The following HDAC9 variants were observed in gnomAD, a reference collection of about 807,000 sequenced individuals.
HDAC9 encodes the protein histone deacetylase 9, also known as MEF-2 interacting transcription repressor (MITR) protein.
Under a neutral mutation model 139.4 loss-of-function variants are expected in HDAC9, and 41 were observed. That is an observed-to-expected ratio of 0.29 (90% confidence interval 0.23 to 0.38). The LOEUF is 0.38. HDAC9 is among the 10% of genes least tolerant of loss of function. The pLI is 1.00. For synonymous variants in HDAC9, 517 were observed against 476.2 expected, an observed-to-expected ratio of 1.09 and a Z score of -1.12; for missense variants, 1,147 against 1,297.0, an observed-to-expected ratio of 0.88 and a Z score of 1.78.
intron 17 of HDAC9, among the ~76,000 whole-genome samples, chr7:18,824,433 A>C (rs1285723711): frequency 6.6e-6 from 1 of 152,228 alleles, no homozygotes; most frequent in East Asian, 1.9e-4. Flanking sequence ...GAAGGAAGGC[A>C]AACATGGTGG....
At chr7:18,149,212 T>G (rs2128117486) in intron 1 of HDAC9, among the ~76,000 whole-genome samples, 1 of 152,260 alleles carries the variant, frequency 6.6e-6, no homozygotes, top group South Asian at 2.1e-4. Flanking sequence ...ATTGCCTGCT[T>G]CTGTCCTTTT....
At chr7:18,669,788 G>GA (rs949175995) in intron 12 of HDAC9, among the ~76,000 whole-genome samples, 2 of 151,642 alleles carry the variant, frequency 1.3e-5, no homozygotes, top group Non-Finnish European at 3.0e-5. Context: ...CTTTTCATTA[G>GA]AAAAAATAGT....
At chr7:18,432,950 T>TAAAA (rs371784284) in intron 1 of HDAC9, among the ~76,000 whole-genome samples, 3 of 130,910 alleles carry the variant, frequency 2.3e-5, no homozygotes, top group South Asian at 2.5e-4. Flanking sequence ...GACTCTGTCT[T>TAAAA]AAAAAAAAAA....
At chr7:18,337,687 C>T (rs911829790) in intron 1 of HDAC9, among the ~76,000 whole-genome samples, 1 of 151,596 alleles carries the variant, frequency 6.6e-6, no homozygotes, top group Non-Finnish European at 1.5e-5. Flanking sequence ...AATATTTAGT[C>T]GCCATATTAA....
intron 1 of HDAC9, among the ~76,000 whole-genome samples, chr7:18,443,300 A>G (rs923041582): frequency 6.6e-6 from 1 of 152,182 alleles, no homozygotes; most frequent in Non-Finnish European, 1.5e-5. Context: ...ATTGGGGAAA[A>G]TTATCTAGTG....
At chr7:18,574,940 G>A (rs1163410504) in intron 2 of HDAC9, among the ~76,000 whole-genome samples, 1 of 152,186 alleles carries the variant, frequency 6.6e-6, no homozygotes, top group Non-Finnish European at 1.5e-5. Flanking sequence ...GCACCCCGGA[G>A]GGTGGGGCTT....
chr7:18,497,530 T>G (rs573428470), intron 2 of HDAC9, among the ~76,000 whole-genome samples: 2 of 152,294 alleles, frequency 1.3e-5, no homozygotes, highest in South Asian at 4.1e-4. Flanking sequence ...CAATTTTGCA[T>G]AATTTGGTAT....
At chr7:18,335,487 G>T (rs532838928) in intron 1 of HDAC9, among the ~76,000 whole-genome samples, 1 of 151,574 alleles carries the variant, frequency 6.6e-6, no homozygotes, top group East Asian at 2.0e-4. Context: ...TCTTATCTTA[G>T]TGCAAGTCTG....
chr7:18,123,712 A>G (rs1784491802), intron 1 of HDAC9, among the ~76,000 whole-genome samples: 1 of 152,292 alleles, frequency 6.6e-6, no homozygotes, highest in Middle Eastern at 3.4e-3. Context: ...AGGGCAGGCA[A>G]CAGGGTGTCT....
At chr7:18,286,285 T>G (rs182496462), upstream of HDAC9, among the ~76,000 whole-genome samples, 194 of 151,826 alleles carry the variant, frequency 1.3e-3, no homozygotes, top group African/African-American at 4.6e-3. Context: ...GTATCATCAT[T>G]ATTTTCATAC....
chr7:18,916,892 A>G (rs377481882), intron 22 of HDAC9, among the ~76,000 whole-genome samples: 48 of 152,060 alleles, frequency 3.2e-4, no homozygotes, highest in East Asian at 2.5e-3. Context: ...CTCTCCCACA[A>G]TGCCATCTCA....
intron 2 of HDAC9, among the ~76,000 whole-genome samples, chr7:18,248,247 A>G (rs990201703): frequency 6.6e-6 from 1 of 152,230 alleles, no homozygotes; most frequent in South Asian, 2.1e-4. Flanking sequence ...AATTTTTTAA[A>G]TCACAAATAG....
chr7:18,464,942 G>A lies in HDAC9; in HGVS notation c.-41-31320G>A, dbSNP rs565548581. Among the ~76,000 whole-genome samples, 14 of 151,990 alleles carry A rather than the reference G, an allele frequency of 9.2e-5. 1 individual carries two copies. The highest frequency in any genetic ancestry group is 3.4e-4 in the African/African-American group (14 of 41,494). On this transcript the variant is annotated intron_variant, in intron 1 of 3. Coordinates refer to the HDAC9 transcript ENST00000413509. The stretch of plus-strand genomic sequence containing the variant: ...GGGTCAATGTGATACCAAATTTTAG[G>A]CTTACTCCTCTGAATTCCTTCTTAT...
chr7:18,513,337 A>G (rs17139283), intron 2 of HDAC9, among the ~76,000 whole-genome samples: 3,056 of 152,300 alleles, frequency 0.02, 39 homozygotes, highest in South Asian at 0.046. Context: ...AGACCAAATA[A>G]AAGATTCAGA....
At chr7:18,421,726 T>G (rs1789635746) in intron 1 of HDAC9, among the ~76,000 whole-genome samples, 1 of 152,180 alleles carries the variant, frequency 6.6e-6, no homozygotes, top group Admixed American at 6.6e-5. Context: ...CAAGTAAGCA[T>G]TTAGCTCCCC....
At chr7:18,183,200 G>C (rs6957513) in intron 2 of HDAC9, among the ~76,000 whole-genome samples, 71 of 151,860 alleles carry the variant, frequency 4.7e-4, no homozygotes, top group African/African-American at 1.5e-3. Context: ...TAGTAGAGAC[G>C]GGGTTTCACC....
chr7:18,960,251 A>G (rs1326366061), intron 24 of HDAC9, among the ~76,000 whole-genome samples: 1 of 152,276 alleles, frequency 6.6e-6, no homozygotes, highest in Non-Finnish European at 1.5e-5. Flanking sequence ...AGTAATAAGA[A>G]TGAAATCAGA....
chr7:18,180,230 C>CAG (rs1360168287), intron 2 of HDAC9, among the ~76,000 whole-genome samples: 1 of 113,906 alleles, frequency 8.8e-6, no homozygotes, highest in Non-Finnish European at 1.9e-5. Flanking sequence ...GACACATACA[C>CAG]ACACACACAC....
chr7:18,940,952 G>T (rs1781985019), intron 23 of HDAC9, among the ~76,000 whole-genome samples: 1 of 152,056 alleles, frequency 6.6e-6, no homozygotes, highest in African/African-American at 2.4e-5. Flanking sequence ...GCCATTAGAA[G>T]ATCACCTGTC....
Sources: allele counts gnomAD v4.1 joint callset (sites outside exome capture counted in the v4.1 genomes callset), GRCh38; gene constraint gnomAD v4.1.1; transcripts MANE v1.5; gene names NCBI Gene and HGNC (gene_info 2026-07-23, HGNC 2026-07-21).